Variants in CNTNAP5 observed in about 807,000 individuals in gnomAD.
CNTNAP5 encodes contactin-associated protein-like 5.
A neutral mutation model predicts 150.2 loss-of-function variants in CNTNAP5; 72 were observed. That is an observed-to-expected ratio of 0.48 (90% CI 0.40 to 0.58). CNTNAP5 has a LOEUF of 0.58. CNTNAP5 is among the 20% of genes least tolerant of loss of function. CNTNAP5 has a pLI of 0.00. For synonymous variants in CNTNAP5, 672 were observed against 619.8 expected (o/e 1.08, Z -1.25); for missense variants, 1,636 against 1,626.2 (o/e 1.01, Z -0.10).
intron 7 of CNTNAP5, among the ~76,000 whole-genome samples, chr2:124,497,122 A>T (rs1263859882): frequency 6.6e-6 from 1 of 152,164 alleles, no homozygotes; most frequent in Non-Finnish European, 1.5e-5. Context: ...TTTTATTTAT[A>T]GCTTTTTTTA....
intron 11 of CNTNAP5, among the ~76,000 whole-genome samples, chr2:124,607,359 C>T (rs1042596000): frequency 2.6e-5 from 4 of 152,118 alleles, no homozygotes; most frequent in Non-Finnish European, 4.4e-5. Flanking sequence ...TCCTGTGGGC[C>T]TCTTGCAAGG....
At chr2:124,267,059 C>A (rs1393827944) in intron 3 of CNTNAP5, among the ~76,000 whole-genome samples, 2 of 151,202 alleles carry the variant, frequency 1.3e-5, no homozygotes, top group African/African-American at 4.9e-5. Flanking sequence ...TGATCTATCT[C>A]TCCAGTTTTT....
chr2:124,753,778 A>T (rs1341312403), intron 14 of CNTNAP5, among the ~76,000 whole-genome samples: 1 of 152,196 alleles, frequency 6.6e-6, no homozygotes. Context: ...TGATTTAGCC[A>T]TTCCACAATT....
At chr2:124,750,590 G>A (rs1208553320) in intron 14 of CNTNAP5, among the ~76,000 whole-genome samples, 2 of 152,138 alleles carry the variant, frequency 1.3e-5, no homozygotes, top group Non-Finnish European at 2.9e-5. Context: ...AAAGTCAGGG[G>A]CATTACGGTC....
intron 16 of CNTNAP5, among the ~76,000 whole-genome samples, chr2:124,770,622 T>A (rs920840495): frequency 6.6e-6 from 1 of 152,162 alleles, no homozygotes; most frequent in Non-Finnish European, 1.5e-5. Flanking sequence ...GTGGCACTGG[T>A]GATCTGAATA....
chr2:124,173,813 C>T (rs748480728), intron 1 of CNTNAP5, among the ~76,000 whole-genome samples: 4 of 152,214 alleles, frequency 2.6e-5, no homozygotes, highest in Non-Finnish European at 5.9e-5. Context: ...GTAGACAAAA[C>T]AGCCTTTCTT....
chr2:124,311,086 T>C (rs1558844968), intron 3 of CNTNAP5, among the ~76,000 whole-genome samples: 1 of 152,238 alleles, frequency 6.6e-6, no homozygotes, highest in South Asian at 2.1e-4. Context: ...TCAAGTCTTC[T>C]CACGTCTTCC....
At chr2:124,516,633 C>T in intron 8 of CNTNAP5, among the ~76,000 whole-genome samples, 1 of 152,170 alleles carries the variant, frequency 6.6e-6, no homozygotes. Context: ...CTGGTTTGGG[C>T]TGTCTTTTTG....
At chr2:124,189,024 C>G (rs1685401575) in intron 1 of CNTNAP5, among the ~76,000 whole-genome samples, 1 of 152,096 alleles carries the variant, frequency 6.6e-6, no homozygotes, top group African/African-American at 2.4e-5. Flanking sequence ...AAAGTTTCCT[C>G]CTGCCAAACA....
At chr2:124,173,624 C>G (rs1684988217) in intron 1 of CNTNAP5, among the ~76,000 whole-genome samples, 1 of 152,168 alleles carries the variant, frequency 6.6e-6, no homozygotes, top group Non-Finnish European at 1.5e-5. Context: ...GAGAAAGCTT[C>G]AGAAGAAATA....
At chr2:124,558,206 A>C (rs914658404) in intron 10 of CNTNAP5, among the ~76,000 whole-genome samples, 1 of 152,188 alleles carries the variant, frequency 6.6e-6, no homozygotes, top group African/African-American at 2.4e-5. Context: ...ATCTCAGACT[A>C]GAGGAACATC....
chr2:124,153,148 C>T (rs1216695235), intron 1 of CNTNAP5, among the ~76,000 whole-genome samples: 1 of 152,016 alleles, frequency 6.6e-6, no homozygotes, highest in African/African-American at 2.4e-5. Flanking sequence ...ACATCACTCA[C>T]TGATTTTCTG....
chr2:124,135,872 T>G (rs1186104826), intron 1 of CNTNAP5, among the ~76,000 whole-genome samples: 1 of 152,228 alleles, frequency 6.6e-6, no homozygotes, highest in Non-Finnish European at 1.5e-5. Context: ...TTCCTTTCTG[T>G]CCTCCAAGCT....
chr2:124,373,801 G>T (rs907506295), intron 3 of CNTNAP5, among the ~76,000 whole-genome samples: 1 of 150,130 alleles, frequency 6.7e-6, no homozygotes, highest in Admixed American at 6.6e-5. Flanking sequence ...TTACTTAAAA[G>T]GATACAATAT....
chr2:124,548,916 G>A (rs10178625), intron 10 of CNTNAP5, among the ~76,000 whole-genome samples: 10,945 of 152,172 alleles, frequency 0.072, 427 homozygotes, highest in South Asian at 0.14. Context: ...CTAATCTGAC[G>A]CCTGGGCTAT....
chr2:124,598,971 C>A (rs1028394579), intron 11 of CNTNAP5, among the ~76,000 whole-genome samples: 1 of 152,042 alleles, frequency 6.6e-6, no homozygotes, highest in Admixed American at 6.5e-5. Flanking sequence ...TTGCGCTTCC[C>A]AGGTGAGGCA....
At chr2:124,310,861 A>G (rs939662902) in intron 3 of CNTNAP5, among the ~76,000 whole-genome samples, 1 of 152,194 alleles carries the variant, frequency 6.6e-6, no homozygotes, top group Non-Finnish European at 1.5e-5. Context: ...AGACCCACAT[A>G]GGTTTAAGCC....
chr2:124,322,795 A>C (rs1437171487), intron 3 of CNTNAP5, among the ~76,000 whole-genome samples: 1 of 152,142 alleles, frequency 6.6e-6, no homozygotes, highest in African/African-American at 2.4e-5. Flanking sequence ...TTCCTTCTGG[A>C]TCCCACAACC....
chr2:124,435,720 A>G (rs1692515911), intron 5 of CNTNAP5, among the ~76,000 whole-genome samples: 1 of 152,192 alleles, frequency 6.6e-6, no homozygotes, highest in African/African-American at 2.4e-5. Context: ...CATTTTAGCA[A>G]TTAGCTGGAG....
Sources: gnomAD v4.1 joint callset for allele counts (sites outside exome capture counted in the v4.1 genomes callset) on GRCh38, gnomAD v4.1.1 for gene constraint, MANE v1.5 for transcripts, NCBI Gene and HGNC (gene_info 2026-07-23, HGNC 2026-07-21) for gene names.